Variants in TBXAS1 observed in about 807,000 individuals in gnomAD.
The protein encoded by TBXAS1 is thromboxane A synthase 1, also known as thromboxane-A synthase.
A neutral mutation model predicts 60.7 loss-of-function variants in TBXAS1; 48 were observed. The ratio of observed to expected loss-of-function variants is 0.79; its 90% CI spans 0.63 to 1.01. TBXAS1 has a LOEUF of 1.01. Among genes scored for constraint, TBXAS1 ranks in the 50% least tolerant of loss-of-function variants. The pLI is 0.00. For synonymous variants in TBXAS1, 287 were observed against 269.7 expected, an observed-to-expected ratio of 1.06 and a Z score of -0.63; for missense variants, 685 against 686.3, an observed-to-expected ratio of 1.00 and a Z score of 0.02.
chr7:139,793,013 C>T (rs547048891), intron 4 of TBXAS1, among the ~76,000 whole-genome samples: 3 of 152,254 alleles, frequency 2.0e-5, no homozygotes, highest in Admixed American at 2.0e-4. Context: ...GACCAGGTCA[C>T]CAGTTTTTAG....
chr7:140,012,738 C>T (rs1386524128), intron 10 of TBXAS1, among the ~76,000 whole-genome samples: 1 of 152,184 alleles, frequency 6.6e-6, no homozygotes, highest in Admixed American at 6.5e-5. Context: ...GGATTACAGG[C>T]ATGAGCCACC....
intron 3 of TBXAS1, among the ~76,000 whole-genome samples, chr7:139,890,399 G>A (rs967147778): frequency 6.6e-6 from 1 of 151,350 alleles, no homozygotes; most frequent in African/African-American, 2.4e-5. Context: ...GTATTTTTAG[G>A]AGAGACGGGG....
intron 6 of TBXAS1, among the ~76,000 whole-genome samples, chr7:139,953,924 C>G (rs559864579): frequency 2.6e-5 from 4 of 152,318 alleles, no homozygotes; most frequent in African/African-American, 7.2e-5. Flanking sequence ...GTCCGACCCA[C>G]AGCCCGCTGG....
rs113810369 is a variant in TBXAS1 at position 140,019,753 on chromosome 7, C to A, written c.1528-272C>A. 9.7e-3 allele frequency among the ~76,000 whole-genome samples: 1,479 copies of A among 152,338 alleles called. 21 individuals are homozygous for A. The highest frequency in any genetic ancestry group is 0.034 in the African/African-American group (1,412 of 41,562). On this transcript the variant is annotated intron_variant, in intron 12 of 12. Coordinates refer to ENST00000448866, the MANE Select transcript of TBXAS1 (RefSeq NM_001061.7). The stretch of plus-strand genomic sequence containing the variant: ...GGATGTCAGTGAGGCCAGACCACAG[C>A]ACACATGAGCAGGAACAGCATGAAG...
chr7:140,016,332 A>T (rs916081224), intron 11 of TBXAS1: 19 of 221,674 alleles, frequency 8.6e-5, no homozygotes, highest in East Asian at 4.6e-4. Context: ...TGTCTAAAAA[A>T]AAATAAATAA....
intron 3 of TBXAS1, among the ~76,000 whole-genome samples, chr7:139,885,421 T>A (rs572697039): frequency 1.3e-5 from 2 of 152,200 alleles, no homozygotes; most frequent in South Asian, 4.1e-4. Flanking sequence ...ATAGAGTATG[T>A]AAAACAGTCA....
chr7:139,985,045 C>T (rs1006088299), intron 9 of TBXAS1, among the ~76,000 whole-genome samples: 1 of 152,190 alleles, frequency 6.6e-6, no homozygotes, highest in African/African-American at 2.4e-5. Flanking sequence ...GCTCAAATGC[C>T]CTCCCCAGGA....
intron 4 of TBXAS1, among the ~76,000 whole-genome samples, chr7:139,927,231 C>G (rs570852578): frequency 6.6e-6 from 1 of 151,688 alleles, no homozygotes; most frequent in South Asian, 2.1e-4. Flanking sequence ...CTCCTGGCCT[C>G]AAGTGCTCTG....
chr7:139,862,871 T>C (rs1801070187), intron 1 of TBXAS1, among the ~76,000 whole-genome samples: 1 of 152,234 alleles, frequency 6.6e-6, no homozygotes, highest in South Asian at 2.1e-4. Context: ...CAGCATATTG[T>C]CTACATGTTC....
chr7:139,843,006 T>C (rs1799565620), intron 1 of TBXAS1, among the ~76,000 whole-genome samples: 1 of 152,172 alleles, frequency 6.6e-6, no homozygotes, highest in South Asian at 2.1e-4. Flanking sequence ...ACAGACCCCC[T>C]GGGAGAGCCA....
At chr7:139,781,179 C>G (rs1417765893) in intron 2 of TBXAS1, among the ~76,000 whole-genome samples, 1 of 152,186 alleles carries the variant, frequency 6.6e-6, no homozygotes, top group Non-Finnish European at 1.5e-5. Context: ...TTCAATTGAG[C>G]TAGCGAAGTT....
At chr7:139,872,730 G>T (rs2116814774) in intron 2 of TBXAS1, among the ~76,000 whole-genome samples, 1 of 152,266 alleles carries the variant, frequency 6.6e-6, no homozygotes, top group Middle Eastern at 3.4e-3. Flanking sequence ...TGAAACATTG[G>T]TCTTGTCCAG....
rs375983340 is a variant in TBXAS1, at chr7:139,999,194, C to T, written c.1135-7897C>T. On this transcript the variant is annotated intron_variant, in intron 9 of 12. Coordinates refer to ENST00000448866, the MANE Select transcript of TBXAS1 (RefSeq NM_001061.7). The surrounding 1 kb of genome is among the most constrained non-coding windows in gnomAD (Gnocchi z 4.3). ...GGATCTAGAAGGTGAAATGTCAGAG[C>T]TCAGAGAACCTCAGCTCCCTCCCAA... Among the ~76,000 whole-genome samples the T allele has an allele frequency of 6.6e-6, 1 of 152,200 alleles. No individual in the cohort carries two copies. The highest frequency in any genetic ancestry group is 2.1e-4 in the South Asian group (1 of 4,834).
intron 4 of TBXAS1, among the ~76,000 whole-genome samples, chr7:139,791,770 A>C (rs1444142932): frequency 6.7e-6 from 1 of 149,940 alleles, no homozygotes; most frequent in African/African-American, 2.5e-5. Context: ...GAGACATGAA[A>C]TTATTAACTT....
intron 5 of TBXAS1, among the ~76,000 whole-genome samples, chr7:139,942,751 CT>C (rs1389985490): frequency 6.6e-6 from 1 of 152,158 alleles, no homozygotes; most frequent in Non-Finnish European, 1.5e-5. Context: ...AAATGGGAGG[CT>C]GGTATCTCGC....
chr7:139,801,195 ATTGGCTT>A (rs1393266419), intron 4 of TBXAS1, among the ~76,000 whole-genome samples: 1 of 152,158 alleles, frequency 6.6e-6, no homozygotes, highest in African/African-American at 2.4e-5. Context: ...TTTTCTTTGT[ATTGGCTT>A]TTTAACATTA....
chr7:139,958,814 A>G (rs1448086450), intron 8 of TBXAS1, among the ~76,000 whole-genome samples: 1 of 152,254 alleles, frequency 6.6e-6, no homozygotes, highest in Non-Finnish European at 1.5e-5. Context: ...CTCAACTCGC[A>G]TGTCCTTGGA....
At chr7:139,903,829 T>C (rs1426671216) in intron 3 of TBXAS1, among the ~76,000 whole-genome samples, 2 of 152,004 alleles carry the variant, frequency 1.3e-5, no homozygotes, top group Non-Finnish European at 2.9e-5. Flanking sequence ...TTTTTTTGAG[T>C]TCATTGTAGA....
chr7:139,909,158 T>C (rs959100540), intron 3 of TBXAS1, among the ~76,000 whole-genome samples: 1 of 152,226 alleles, frequency 6.6e-6, no homozygotes, highest in African/African-American at 2.4e-5. Context: ...ATGGATTTCC[T>C]TGGGTTCATC....
Sources: gnomAD v4.1 joint callset for allele counts (sites outside exome capture counted in the v4.1 genomes callset) on GRCh38, gnomAD v4.1.1 for gene constraint, Gnocchi (gnomAD v3.1) non-coding constraint, MANE v1.5 for transcripts, NCBI Gene and HGNC (gene_info 2026-07-23, HGNC 2026-07-21) for gene names.